ASIC2: variants seen among roughly 807,000 people sequenced by gnomAD.
ASIC2 encodes acid-sensing ion channel 2.
In ASIC2, 25 loss-of-function variants were observed where a neutral mutation model predicts 57.3. The observed-to-expected ratio is 0.44, with a 90% CI of 0.32 to 0.61. The LOEUF is 0.61. Among genes scored for constraint, ASIC2 ranks in the 20% least tolerant of loss-of-function variants. The pLI is 0.06. For missense variants in ASIC2, 641 were observed against 738.1 expected (o/e 0.87, Z 1.52); for synonymous variants, 319 against 307.5 (o/e 1.04, Z -0.39).
intron 1 of ASIC2, among the ~76,000 whole-genome samples, chr17:33,419,924 T>C (rs1396174706): frequency 6.6e-6 from 1 of 152,168 alleles, no homozygotes; most frequent in African/African-American, 2.4e-5. Context: ...AATGGTCCAT[T>C]CACAGACACA....
At chr17:33,823,644 C>G (rs1467972317) in intron 1 of ASIC2, among the ~76,000 whole-genome samples, 1 of 152,184 alleles carries the variant, frequency 6.6e-6, no homozygotes, top group Non-Finnish European at 1.5e-5. Context: ...TTCCTTCATT[C>G]GCCAAACCTT....
At chr17:34,153,823 C>T (rs1276055700) in intron 1 of ASIC2, among the ~76,000 whole-genome samples, 11 of 152,166 alleles carry the variant, frequency 7.2e-5, no homozygotes, top group Admixed American at 7.2e-4. Context: ...AATGACATGC[C>T]ACTGACAGAG....
chr17:33,211,042 C>T (rs1907249213), intron 1 of ASIC2, among the ~76,000 whole-genome samples: 1 of 152,156 alleles, frequency 6.6e-6, no homozygotes, highest in East Asian at 1.9e-4. Flanking sequence ...CTGTCAGGTA[C>T]AGAGAAAGAG....
At chr17:34,112,444 A>G (rs7213101) in intron 1 of ASIC2, among the ~76,000 whole-genome samples, 19,754 of 149,764 alleles carry the variant, frequency 0.13, 1,364 homozygotes, top group Admixed American at 0.18. Flanking sequence ...AGATTTTCAG[A>G]CGCAAGACAG....
intron 1 of ASIC2, among the ~76,000 whole-genome samples, chr17:33,665,281 T>C (rs1045204077): frequency 6.6e-6 from 1 of 152,244 alleles, no homozygotes; most frequent in Non-Finnish European, 1.5e-5. Flanking sequence ...TAAATGCATA[T>C]ACATATTTCG....
chr17:33,978,772 G>GA (rs1437980949), intron 1 of ASIC2, among the ~76,000 whole-genome samples: 1 of 152,116 alleles, frequency 6.6e-6, no homozygotes, highest in Non-Finnish European at 1.5e-5. Flanking sequence ...GAGGAGTAAG[G>GA]AGTGTTAGGA....
intron 1 of ASIC2, among the ~76,000 whole-genome samples, chr17:33,767,149 T>C (rs75791205): frequency 6.6e-6 from 1 of 152,184 alleles, no homozygotes; most frequent in African/African-American, 2.4e-5. Flanking sequence ...GCCCTGCTTG[T>C]CTGCTGTGTC....
intron 1 of ASIC2, among the ~76,000 whole-genome samples, chr17:33,840,461 T>C (rs2141907630): frequency 6.6e-6 from 1 of 152,368 alleles, no homozygotes; most frequent in Non-Finnish European, 1.5e-5. Context: ...CCGTATACTC[T>C]GGGAATAACT....
At chr17:33,865,793 A>G (rs1415244862) in intron 1 of ASIC2, among the ~76,000 whole-genome samples, 3 of 146,680 alleles carry the variant, frequency 2.0e-5, no homozygotes, top group South Asian at 2.2e-4. Context: ...ACGTTTTTTT[A>G]TTGAACTATG....
At chr17:33,096,710 T>C (rs184630482) in intron 2 of ASIC2, among the ~76,000 whole-genome samples, 4 of 152,204 alleles carry the variant, frequency 2.6e-5, no homozygotes, top group Non-Finnish European at 5.9e-5. Flanking sequence ...GCAGAGCAGG[T>C]GTGGCTCGCT....
intron 1 of ASIC2, among the ~76,000 whole-genome samples, chr17:33,907,944 A>T (rs1292118555): frequency 2.0e-5 from 3 of 152,202 alleles, no homozygotes; most frequent in Non-Finnish European, 4.4e-5. Context: ...CAAACATAAA[A>T]ATAGCACCTA....
rs568931886 is a variant in ASIC2 at position 33,560,900 on chromosome 17, A to G, written c.556-448833T>C. On this transcript the variant is annotated intron_variant, in intron 1 of 9. Coordinates refer to the ASIC2 transcript ENST00000359872. ...ACAACTAATACACAGCAGAACTTCA[A>G]TTCATACCCAGATTTATCTAATTCC... Among the ~76,000 whole-genome samples the G allele has an allele frequency of 6.6e-5, 10 of 152,314 alleles. No individual in the cohort carries two copies. The South Asian group carries it at 1.2e-3, about 19-fold the overall frequency.
intron 1 of ASIC2, among the ~76,000 whole-genome samples, chr17:33,893,968 CT>C (rs1273671358): frequency 8.6e-5 from 13 of 151,748 alleles, no homozygotes; most frequent in African/African-American, 3.1e-4. Flanking sequence ...GATACATGGG[CT>C]TTTTCAGCTA....
At chr17:33,792,666 A>G (rs997606644) in intron 1 of ASIC2, 6 of 152,250 alleles carry the variant, frequency 3.9e-5, no homozygotes, top group Non-Finnish European at 7.3e-5. Flanking sequence ...TAGAAAAAAG[A>G]AAATACCTGT....
chr17:33,371,178 T>C (rs916669376), intron 1 of ASIC2, among the ~76,000 whole-genome samples: 7 of 152,244 alleles, frequency 4.6e-5, no homozygotes, highest in African/African-American at 9.6e-5. Flanking sequence ...TAGTGGGATA[T>C]CAGGATATTC....
At chr17:33,989,850 A>T (rs564646090) in intron 1 of ASIC2, among the ~76,000 whole-genome samples, 1 of 152,310 alleles carries the variant, frequency 6.6e-6, no homozygotes, top group East Asian at 1.9e-4. Flanking sequence ...CACACAGGAG[A>T]CCTGGAGACC....
At chr17:33,455,463 T>C (rs912752371) in intron 1 of ASIC2, among the ~76,000 whole-genome samples, 1 of 152,262 alleles carries the variant, frequency 6.6e-6, no homozygotes, top group African/African-American at 2.4e-5. Flanking sequence ...GTTTCTTTGT[T>C]AATTTACCTG....
chr17:33,407,425 C>T (rs549528312), intron 1 of ASIC2, among the ~76,000 whole-genome samples: 13 of 152,294 alleles, frequency 8.5e-5, no homozygotes, highest in African/African-American at 2.6e-4. Flanking sequence ...TTGATCCATT[C>T]GGCTAATGCC....
At chr17:33,760,472 A>G (rs1183481147) in intron 1 of ASIC2, among the ~76,000 whole-genome samples, 3 of 152,010 alleles carry the variant, frequency 2.0e-5, no homozygotes, top group East Asian at 1.9e-4. Context: ...GTGTGTGTGT[A>G]TATATATAAA....
Sources: allele counts gnomAD v4.1 joint callset (sites outside exome capture counted in the v4.1 genomes callset), GRCh38; gene constraint gnomAD v4.1.1; transcripts MANE v1.5; gene names NCBI Gene and HGNC (gene_info 2026-07-23, HGNC 2026-07-21).